Variants in FGF14 observed in about 807,000 individuals in gnomAD.
FGF14 encodes fibroblast growth factor 14.
In FGF14, 5 loss-of-function variants were observed where a neutral mutation model predicts 25.5. That is an observed-to-expected ratio of 0.20 (90% CI 0.10 to 0.41). The LOEUF is 0.41. FGF14 is among the 10% of genes least tolerant of loss of function. FGF14 has a pLI of 1.00. For synonymous variants in FGF14, 138 were observed against 118.3 expected (o/e 1.17, Z -1.08); for missense variants, 222 against 320.1 (o/e 0.69, Z 2.34).
intron 1 of FGF14, among the ~76,000 whole-genome samples, chr13:102,017,383 A>G (rs1223003520): frequency 6.6e-6 from 1 of 152,186 alleles, no homozygotes; most frequent in African/African-American, 2.4e-5. Flanking sequence ...GTTTGGCTGG[A>G]TATAGGAATC....
chr13:102,304,927 A>G (rs373729536), intron 1 of FGF14, among the ~76,000 whole-genome samples: 19 of 152,250 alleles, frequency 1.2e-4, no homozygotes, highest in African/African-American at 4.6e-4. Context: ...TGAATTCCTG[A>G]CCCACAGAAA....
intron 2 of FGF14, among the ~76,000 whole-genome samples, chr13:101,873,847 T>A (rs575204971): frequency 6.6e-6 from 1 of 152,056 alleles, no homozygotes; most frequent in East Asian, 1.9e-4. Context: ...TCTCTTTTCC[T>A]ATATCAAAAA....
chr13:102,061,937 T>C (rs2140108640), intron 1 of FGF14, among the ~76,000 whole-genome samples: 1 of 152,266 alleles, frequency 6.6e-6, no homozygotes, highest in South Asian at 2.1e-4. Context: ...CCACAACCAC[T>C]GTCTGACTGC....
At chr13:102,232,474 T>C (rs895663775) in intron 1 of FGF14, among the ~76,000 whole-genome samples, 1 of 152,216 alleles carries the variant, frequency 6.6e-6, no homozygotes, top group African/African-American at 2.4e-5. Flanking sequence ...AACTACCACA[T>C]CTACAATGTT....
chr13:101,792,600 G>A (rs2040300599), intron 3 of FGF14, among the ~76,000 whole-genome samples: 1 of 152,166 alleles, frequency 6.6e-6, no homozygotes, highest in Non-Finnish European at 1.5e-5. Context: ...CAAGAGGGCT[G>A]TGAAAAATAT....
At chr13:102,141,317 A>C (rs1313786522) in intron 1 of FGF14, among the ~76,000 whole-genome samples, 2 of 152,222 alleles carry the variant, frequency 1.3e-5, no homozygotes, top group East Asian at 3.9e-4. Context: ...CCATGAGTTC[A>C]AGAGCCATTT....
intron 1 of FGF14, among the ~76,000 whole-genome samples, chr13:102,201,100 CTCAAAAAA>C (rs1310004317): frequency 9.5e-5 from 5 of 52,696 alleles, no homozygotes; most frequent in African/African-American, 4.3e-4. Context: ...GACTCCGTCT[CTCAAAAAA>C]AAAAAAAAAA....
intron 1 of FGF14, among the ~76,000 whole-genome samples, chr13:102,321,569 T>C (rs2056245745): frequency 6.6e-6 from 1 of 152,180 alleles, no homozygotes; most frequent in Non-Finnish European, 1.5e-5. Context: ...TACTCTATTG[T>C]TTAAAGTACG....
chr13:102,189,036 AAGAAAG>A (rs1311981553), intron 1 of FGF14, among the ~76,000 whole-genome samples: 1 of 74,274 alleles, frequency 1.3e-5, no homozygotes, highest in Non-Finnish European at 3.0e-5. Flanking sequence ...AAAAGAAAGA[AAGAAAG>A]AGAAAGAATG....
chr13:101,872,193 T>A (rs922012818), intron 2 of FGF14, among the ~76,000 whole-genome samples: 1 of 151,830 alleles, frequency 6.6e-6, no homozygotes, highest in Non-Finnish European at 1.5e-5. Context: ...TTGGTTTTTT[T>A]AAAATTATTT....
intron 1 of FGF14, among the ~76,000 whole-genome samples, chr13:102,161,724 G>GAATAATAAT (rs1264947808): frequency 6.7e-6 from 1 of 149,600 alleles, no homozygotes; most frequent in Non-Finnish European, 1.5e-5. Context: ...AGAAGAAGAA[G>GAATAATAAT]AATAGAAATG....
chr13:101,852,454 A>G (rs2043902024), intron 3 of FGF14, among the ~76,000 whole-genome samples: 1 of 152,146 alleles, frequency 6.6e-6, no homozygotes, highest in South Asian at 2.1e-4. Context: ...GAAAAAAACA[A>G]TCCCAAGTTA....
At chr13:102,284,032 T>C (rs1020314430) in intron 1 of FGF14, among the ~76,000 whole-genome samples, 2 of 152,240 alleles carry the variant, frequency 1.3e-5, no homozygotes, top group Non-Finnish European at 2.9e-5. Flanking sequence ...CTTAATATTC[T>C]ACATTTCTGT....
At chr13:102,259,741 TAGATAA>T (rs1422074540) in intron 1 of FGF14, among the ~76,000 whole-genome samples, 1 of 152,166 alleles carries the variant, frequency 6.6e-6, no homozygotes, top group Non-Finnish European at 1.5e-5. Flanking sequence ...AGCAGAGTTA[TAGATAA>T]AGATAAAGCA....
At position 102,181,597 on chromosome 13, in the gene FGF14, T is replaced by TG. The variant is rs572807047; in HGVS notation, c.208+219873dup. On this transcript the variant is annotated intron_variant, in intron 1 of 4. Transcript: ENST00000376131. ...GAAGCAGAGATTGAGGCAATGCAGC[T>TG]GCAAATCAGAAAATGCTAAGGATTG... Among the ~76,000 whole-genome samples, 167 of 152,288 alleles carry TG rather than the reference T, an allele frequency of 1.1e-3. 1 individual carries two copies. Among genetic ancestry groups the TG allele is most frequent in the Non-Finnish European group, 1.7e-3 (116 of 68,008 alleles).
chr13:101,889,686 A>G (rs900101124), intron 1 of FGF14, among the ~76,000 whole-genome samples: 46 of 152,326 alleles, frequency 3.0e-4, no homozygotes, highest in African/African-American at 1.1e-3. Flanking sequence ...TTTTTAACCC[A>G]GAAACTTCTA....
In FGF14 at chr13:101,710,851, A is replaced by G. The variant is rs2034431122; in HGVS notation, c.*11980T>C. The G allele has an allele frequency of 6.6e-6, 1 of 152,214 alleles. No homozygotes were observed. Among genetic ancestry groups the G allele is most frequent in the South Asian group, 2.1e-4 (1 of 4,828 alleles). 9.4% of individuals were successfully genotyped at this position (152,214 alleles called of 1,614,324 possible). A position where few individuals can be genotyped will look rare whatever the true frequency, so the allele number is the denominator to read the frequency against. ...ATTTCTTTACAAATTTATAGCCAAG[A>G]CAATAAATCACTCCATAGAAAAATT... On this transcript the variant is annotated 3_prime_UTR_variant, in exon 5 of 5. Coordinates refer to ENST00000376143, the MANE Select transcript of FGF14 (RefSeq NM_004115.4).
chr13:102,379,947 T>C (rs541941586), intron 1 of FGF14, among the ~76,000 whole-genome samples: 2 of 152,308 alleles, frequency 1.3e-5, no homozygotes, highest in Admixed American at 6.5e-5. Context: ...CAGAGACTCA[T>C]CTTCCCCTTT....
chr13:102,086,954 T>C (rs2140225933), intron 1 of FGF14, among the ~76,000 whole-genome samples: 1 of 152,330 alleles, frequency 6.6e-6, no homozygotes, highest in Non-Finnish European at 1.5e-5. Context: ...AATCACAGCA[T>C]TCCCCACAAA....
Sources: allele counts gnomAD v4.1 joint callset (sites outside exome capture counted in the v4.1 genomes callset), GRCh38; gene constraint gnomAD v4.1.1; transcripts MANE v1.5; gene names NCBI Gene and HGNC (gene_info 2026-07-23, HGNC 2026-07-21).